Variants in TENM3 observed in about 807,000 individuals in gnomAD.
TENM3 encodes teneurin transmembrane protein 3, also known as teneurin-3.
Under a neutral mutation model 255.1 loss-of-function variants are expected in TENM3, and 63 were observed. The ratio of observed to expected loss-of-function variants is 0.25; its 90% CI spans 0.20 to 0.30. The LOEUF is 0.30. Among genes scored for constraint, TENM3 ranks in the 10% least tolerant of loss-of-function variants. TENM3 has a pLI of 1.00. For missense variants in TENM3, 2,929 were observed against 3,461.1 expected, an observed-to-expected ratio of 0.85 and a Z score of 3.86; for synonymous variants, 1,306 against 1,322.3, an observed-to-expected ratio of 0.99 and a Z score of 0.27.
At chr4:182,738,642 A>C in intron 18 of TENM3, 98 bp downstream of exon 18, 1 of 935,856 alleles carries the variant, frequency 1.1e-6, no homozygotes, top group Non-Finnish European at 1.5e-6. Context: ...GCAACATTTT[A>C]TGCTATCCAT....
the TENM3 span, among the ~76,000 whole-genome samples, chr4:181,520,972 A>C: frequency 3.3e-5 from 5 of 152,232 alleles, no homozygotes; most frequent in African/African-American, 4.8e-5. Context: ...CATCTAGAAA[A>C]GAGAAAATCC....
intron 16 of TENM3, among the ~76,000 whole-genome samples, chr4:182,731,995 A>G (rs952169349): frequency 1.1e-4 from 17 of 151,850 alleles, no homozygotes; most frequent in East Asian, 7.7e-4. Context: ...GTTGGCCAGG[A>G]TGGTCTCCAT....
the TENM3 span, among the ~76,000 whole-genome samples, chr4:181,850,209 C>A: frequency 2.6e-5 from 4 of 152,002 alleles, no homozygotes; most frequent in East Asian, 1.9e-4. Context: ...TCTCAATTCT[C>A]ATTTTTCTCC....
intron 19 of TENM3, among the ~76,000 whole-genome samples, chr4:182,749,006 T>C (rs1762198595): frequency 6.6e-6 from 1 of 152,194 alleles, no homozygotes; most frequent in Admixed American, 6.5e-5. Flanking sequence ...CCCACTAGGA[T>C]AAAACTGATG....
At chr4:181,579,593 A>G in the TENM3 span, among the ~76,000 whole-genome samples, 2 of 152,224 alleles carry the variant, frequency 1.3e-5, no homozygotes, top group South Asian at 4.1e-4. Flanking sequence ...TTTTATAACT[A>G]TACCAAATTG....
chr4:181,955,867 G>A, the TENM3 span, among the ~76,000 whole-genome samples: 1 of 152,116 alleles, frequency 6.6e-6, no homozygotes, highest in East Asian at 1.9e-4. Flanking sequence ...CAGTTAGGAG[G>A]TTATTGCAAT....
Position 182,799,782 on chromosome 4 carries a change from A to T in TENM3, c.7531A>T (p.Thr2511Ser), listed in dbSNP as rs1055640742. The T allele has an allele frequency of 5.6e-6, 9 of 1,597,310 alleles. No individual in the cohort carries two copies. The African/African-American group carries it at 8.0e-5, about 14-fold the overall frequency. The change falls in exon 28 of 28, where the codon ACC becomes TCC. Residue 2511 changes from threonine (T) to serine (S), a missense_variant. Thr to Ser is a moderately conservative substitution (Grantham distance 58, BLOSUM62 1). Around this residue, in one of 6 missense-constraint regions of TENM3, gnomAD observed 476 missense variants for 480.1 expected, o/e 0.99. Transcript: ENST00000511685. The surrounding 1 kb of genome is among the most constrained non-coding windows in gnomAD (Gnocchi z 4.2). ...GGCCGTCAGCCAGGGCCGCGTGCAG[A>T]CCAACGTGCTCAACATCGCCAACGA... ...MLAVSQGRVQ[T>S]NVLNIANEDC... is the part of the protein sequence containing the mutation.
the TENM3 span, among the ~76,000 whole-genome samples, chr4:182,032,611 A>G: frequency 6.6e-6 from 1 of 152,156 alleles, no homozygotes; most frequent in South Asian, 2.1e-4. Flanking sequence ...TGTTTGGAAT[A>G]GTTTTAGAGG....
chr4:182,639,500 T>C (rs1752117839), intron 5 of TENM3, among the ~76,000 whole-genome samples: 1 of 152,202 alleles, frequency 6.6e-6, no homozygotes, highest in African/African-American at 2.4e-5. Context: ...AGAAAAATCT[T>C]AGGCCCAGAA....
At chr4:181,659,769 A>G in the TENM3 span, among the ~76,000 whole-genome samples, 2 of 152,220 alleles carry the variant, frequency 1.3e-5, no homozygotes, top group Non-Finnish European at 2.9e-5. Context: ...AGATAGTAAG[A>G]GAGTCACAAC....
the TENM3 span, among the ~76,000 whole-genome samples, chr4:181,844,844 C>G: frequency 6.6e-6 from 1 of 152,108 alleles, no homozygotes. Flanking sequence ...TCCATAAAAA[C>G]GCATTTAAAT....
intron 12 of TENM3, among the ~76,000 whole-genome samples, chr4:182,712,169 T>G (rs149608861): frequency 6.6e-6 from 1 of 152,190 alleles, no homozygotes; most frequent in Non-Finnish European, 1.5e-5. Flanking sequence ...AAAAAAGAAC[T>G]GATAACCTTG....
the TENM3 span, among the ~76,000 whole-genome samples, chr4:181,939,713 G>A: frequency 1.3e-5 from 2 of 152,218 alleles, no homozygotes; most frequent in African/African-American, 2.4e-5. Context: ...GGGGTGCGGG[G>A]CGCTCAGCAC....
chr4:182,452,426 T>A (rs1241927054), intron 3 of TENM3, among the ~76,000 whole-genome samples: 2 of 152,140 alleles, frequency 1.3e-5, no homozygotes, highest in Admixed American at 6.5e-5. Context: ...GATCTTTCAG[T>A]GGCCTGGTTC....
chr4:181,557,070 A>G, the TENM3 span, among the ~76,000 whole-genome samples: 3 of 152,134 alleles, frequency 2.0e-5, no homozygotes, highest in Non-Finnish European at 2.9e-5. Context: ...CTTTTTTCCC[A>G]TTAGCCCTCT....
intron 1 of TENM3, among the ~76,000 whole-genome samples, chr4:182,264,546 CAG>C (rs1253579555): frequency 6.6e-6 from 1 of 152,216 alleles, no homozygotes; most frequent in South Asian, 2.1e-4. Flanking sequence ...GGAAAAAAGA[CAG>C]AGACTGTCCT....
intron 3 of TENM3, among the ~76,000 whole-genome samples, chr4:182,531,439 T>A (rs1739770841): frequency 6.6e-6 from 1 of 152,118 alleles, no homozygotes; most frequent in Non-Finnish European, 1.5e-5. Flanking sequence ...AAGCCTTCAG[T>A]CACTTCCAGT....
chr4:182,191,545 C>T (rs755145771), intron 1 of TENM3, among the ~76,000 whole-genome samples: 8 of 152,204 alleles, frequency 5.3e-5, no homozygotes, highest in South Asian at 4.1e-4. Flanking sequence ...AAACTTAGTG[C>T]GGTTAGTTTT....
intron 1 of TENM3, among the ~76,000 whole-genome samples, chr4:182,151,895 T>G (rs1027331159): frequency 6.6e-6 from 1 of 152,022 alleles, no homozygotes; most frequent in Non-Finnish European, 1.5e-5. Flanking sequence ...AACTATAATA[T>G]TGCAAAGAAA....
Sources: allele counts gnomAD v4.1 joint callset (sites outside exome capture counted in the v4.1 genomes callset), GRCh38; gene constraint gnomAD v4.1.1; regional missense constraint gnomAD v4.1.1; non-coding constraint Gnocchi (gnomAD v3.1); transcripts MANE v1.5; gene names NCBI Gene and HGNC (gene_info 2026-07-23, HGNC 2026-07-21).